PLCE1: variants seen among roughly 807,000 people sequenced by gnomAD.
The protein encoded by PLCE1 is phospholipase C epsilon 1.
PLCE1 carries 119 observed loss-of-function variants against 242.8 expected under a neutral mutation model. The observed-to-expected ratio is 0.49, with a 90% CI of 0.42 to 0.57. The LOEUF is 0.57. Among genes scored for constraint, PLCE1 ranks in the 20% least tolerant of loss-of-function variants. The pLI, the probability that PLCE1 is intolerant of heterozygous loss-of-function variation, is 0.00. For missense variants in PLCE1, 2,441 were observed against 2,788.8 expected (o/e 0.88, Z 2.81); for synonymous variants, 945 against 1,017.4 (o/e 0.93, Z 1.35).
At chr10:94,227,762 G>A (rs1301024869) in intron 5 of PLCE1, among the ~76,000 whole-genome samples, 1 of 152,076 alleles carries the variant, frequency 6.6e-6, no homozygotes, top group Non-Finnish European at 1.5e-5. Flanking sequence ...TCCCCTTCCT[G>A]TCCTGTAAAC....
At position 94,227,344 on chromosome 10, in the gene PLCE1, C is replaced by A; in HGVS notation, c.1848C>A (p.Gly616=). The A allele has an allele frequency of 2.5e-6, 4 of 1,614,008 alleles. No individual in the cohort carries two copies. The highest frequency in any genetic ancestry group is 3.4e-6 in the Non-Finnish European group (4 of 1,179,888). ...TGACATGGCTGATCCTCACGGCAGG[C>A]TCCATGGAGGAGAAGCGAGAAGTCT... is the stretch of plus-strand genomic sequence containing the variant. ...SWVTWLILTA[G]SMEEKREVFS... is the part of the protein sequence containing the mutation. Residue 616 remains glycine, a synonymous_variant, in exon 5 of 33, where the codon GGC becomes GGA. Transcript: ENST00000371380.
intron 27 of PLCE1, among the ~76,000 whole-genome samples, chr10:94,310,600 G>A (rs530450415): frequency 8.8e-4 from 134 of 152,286 alleles, no homozygotes; most frequent in Non-Finnish European, 1.7e-3. Context: ...GCAGGGCCGC[G>A]TGGTACAAAG....
chr10:94,323,512 C>G (rs2133894620), intron 30 of PLCE1, among the ~76,000 whole-genome samples: 2 of 152,286 alleles, frequency 1.3e-5, no homozygotes, highest in Middle Eastern at 3.4e-3. Flanking sequence ...CCAGACTATT[C>G]CCGTTGGCTC....
intron 3 of PLCE1, among the ~76,000 whole-genome samples, chr10:94,141,339 G>C (rs1490624997): frequency 6.6e-6 from 1 of 152,212 alleles, no homozygotes; most frequent in Non-Finnish European, 1.5e-5. Flanking sequence ...TTTGAGCTGG[G>C]AGACTGATTC....
At chr10:94,168,343 A>C (rs2047872924) in intron 3 of PLCE1, among the ~76,000 whole-genome samples, 2 of 152,224 alleles carry the variant, frequency 1.3e-5, no homozygotes, top group African/African-American at 4.8e-5. Flanking sequence ...AAGACAAAGA[A>C]TTATGCCCCA....
intron 11 of PLCE1, among the ~76,000 whole-genome samples, chr10:94,255,952 T>TCTCTCTCC (rs1554896654): frequency 2.5e-5 from 3 of 118,900 alleles, no homozygotes; most frequent in African/African-American, 9.4e-5. Flanking sequence ...TCTCTCTCTC[T>TCTCTCTCC]CTCTCCCCAC....
chr10:94,070,240 G>C (rs2044313062), intron 2 of PLCE1, among the ~76,000 whole-genome samples: 1 of 152,188 alleles, frequency 6.6e-6, no homozygotes, highest in African/African-American at 2.4e-5. Flanking sequence ...GCTTGGAATA[G>C]TAATGTATGC....
intron 3 of PLCE1, among the ~76,000 whole-genome samples, chr10:94,154,339 T>TACACA (rs2047362140): frequency 6.6e-6 from 1 of 152,066 alleles, no homozygotes; most frequent in Non-Finnish European, 1.5e-5. Flanking sequence ...ATCAAAGACC[T>TACACA]GCACAGAAGA....
chr10:94,072,786 A>C (rs1035060706), intron 2 of PLCE1, among the ~76,000 whole-genome samples: 1 of 152,106 alleles, frequency 6.6e-6, no homozygotes, highest in Non-Finnish European at 1.5e-5. Context: ...TTTCTTATGT[A>C]ATGAAGAGGG....
intron 1 of PLCE1, among the ~76,000 whole-genome samples, chr10:94,007,627 T>C (rs1346844122): frequency 1.4e-5 from 2 of 147,206 alleles, no homozygotes; most frequent in Admixed American, 1.4e-4. Flanking sequence ...AGTGAATACA[T>C]TCTTGTTTCT....
chr10:94,258,748 ATC>A, intron 11 of PLCE1, 50 bp from the exon 12 acceptor site: 1 of 1,613,340 alleles, frequency 6.2e-7, no homozygotes, highest in Non-Finnish European at 8.5e-7. Context: ...GTGGGACAGA[ATC>A]ACAACAGTGG....
At chr10:94,278,396 C>A (rs933150576) in intron 19 of PLCE1, among the ~76,000 whole-genome samples, 8 of 152,152 alleles carry the variant, frequency 5.3e-5, no homozygotes, top group Admixed American at 1.3e-4. Context: ...CTATTGTCAT[C>A]AATAGAAATG....
At chr10:94,269,596 A>T (rs1401268996) in intron 17 of PLCE1, among the ~76,000 whole-genome samples, 1 of 152,204 alleles carries the variant, frequency 6.6e-6, no homozygotes. Context: ...CCATTACCTT[A>T]CATTAGTTAG....
intron 23 of PLCE1, among the ~76,000 whole-genome samples, chr10:94,297,979 T>A (rs2133529174): frequency 6.6e-6 from 1 of 152,362 alleles, no homozygotes; most frequent in African/African-American, 2.4e-5. Context: ...TCTAGGCTTT[T>A]AATTTAAATT....
At chr10:94,203,607 C>T (rs2049048828) in intron 4 of PLCE1, among the ~76,000 whole-genome samples, 1 of 152,184 alleles carries the variant, frequency 6.6e-6, no homozygotes, top group Admixed American at 6.5e-5. Context: ...AAAGATATTT[C>T]ATCCATGTCC....
At chr10:94,037,442 G>T (rs1439891866) in intron 2 of PLCE1, among the ~76,000 whole-genome samples, 5 of 152,186 alleles carry the variant, frequency 3.3e-5, no homozygotes, top group Non-Finnish European at 7.4e-5. Flanking sequence ...CTGGAAATTT[G>T]GTTGCCCTGG....
chr10:94,133,894 C>T (rs1030166723), intron 3 of PLCE1, among the ~76,000 whole-genome samples: 4 of 152,108 alleles, frequency 2.6e-5, no homozygotes, highest in African/African-American at 9.7e-5. Flanking sequence ...TCCCTACACA[C>T]AAGACTCAAG....
intron 1 of PLCE1, among the ~76,000 whole-genome samples, chr10:93,997,642 T>C (rs2060852472): frequency 6.7e-6 from 1 of 148,816 alleles, no homozygotes; most frequent in Admixed American, 6.7e-5. Flanking sequence ...CTTTTTTTTT[T>C]TTTTTTTTTT....
rs2051375178 is a variant in PLCE1 at position 94,263,203 on chromosome 10, G to GTATGTTTTTTAACAAAATACCAAA, written c.4053+494_4053+495insATATGTTTTTTAACAAAATACCAA. Reference sequence around the variant, plus strand: ...TTTTGTTTTTTTAACAAAATACCAAGTATGTTTTTTAACAAAATACCAAGT... The same window carrying GTATGTTTTTTAACAAAATACCAAA: ...TTTTGTTTTTTTAACAAAATACCAAGTATGTTTTTTAACAAAATACCAAATATGTTTTTTAACAAAATACCAAGT... On this transcript the variant is annotated intron_variant, in intron 14 of 32. Transcript: ENST00000371380. Among the ~76,000 whole-genome samples, 3 of 151,502 alleles carry GTATGTTTTTTAACAAAATACCAAA rather than the reference G, an allele frequency of 2.0e-5. No homozygotes were observed. The South Asian group carries it at 6.4e-4, about 32-fold the overall frequency.
Sources: gnomAD v4.1 joint callset for allele counts (sites outside exome capture counted in the v4.1 genomes callset) on GRCh38, gnomAD v4.1.1 for gene constraint, MANE v1.5 for transcripts, NCBI Gene and HGNC (gene_info 2026-07-23, HGNC 2026-07-21) for gene names.